TRIP12: variants seen among roughly 807,000 people sequenced by gnomAD.
TRIP12 encodes thyroid hormone receptor interactor 12, also known as E3 ubiquitin-protein ligase TRIP12.
In TRIP12, 25 loss-of-function variants were observed where a neutral mutation model predicts 244.2. That is an observed-to-expected ratio of 0.10 (90% CI 0.07 to 0.14). The LOEUF (loss-of-function observed/expected upper bound fraction) is 0.14, where lower values mean the gene tolerates loss of function less well. Ranked by LOEUF, TRIP12 falls within the 10% of genes least tolerant of loss-of-function variation. The pLI is 1.00. For missense variants in TRIP12, 1,677 were observed against 2,486.4 expected (o/e 0.67, Z 6.92); for synonymous variants, 905 against 873.1 (o/e 1.04, Z -0.64).
intron 1 of TRIP12, among the ~76,000 whole-genome samples, chr2:229,896,418 A>T (rs1424607473): frequency 2.0e-5 from 3 of 152,040 alleles, no homozygotes; most frequent in Non-Finnish European, 2.9e-5. Flanking sequence ...CAGGTGGATC[A>T]CCTGAGGTCA....
intron 1 of TRIP12, among the ~76,000 whole-genome samples, chr2:229,909,836 A>G (rs1285631122): frequency 2.0e-5 from 3 of 152,238 alleles, no homozygotes; most frequent in African/African-American, 4.8e-5. Context: ...CCTGGGAGAC[A>G]GAGTGAGACA....
intron 4 of TRIP12, among the ~76,000 whole-genome samples, chr2:229,842,072 T>A (rs1319556053): frequency 6.6e-6 from 1 of 152,228 alleles, no homozygotes; most frequent in Non-Finnish European, 1.5e-5. Context: ...TAAAAATCTA[T>A]GTTTAGACAG....
At position 229,810,724 on chromosome 2, in the gene TRIP12, T is replaced by C. The variant is rs550178628; in HGVS notation, c.2221+156A>G. 7.9e-5 allele frequency among the ~76,000 whole-genome samples: 12 copies of C among 152,326 alleles called. No individual in the cohort carries two copies. The East Asian group carries it at 2.1e-3, about 27-fold the overall frequency. ...GTATGTTAGAAACATTAACATACTG[T>C]CCCAACACAAATTTATTACATATTA... On this transcript the variant is annotated intron_variant, in intron 15 of 41. Coordinates refer to ENST00000675903, the MANE Select transcript of TRIP12 (RefSeq NM_001348323.3).
chr2:229,824,214 C>G (rs905137635), intron 8 of TRIP12, among the ~76,000 whole-genome samples: 1 of 152,064 alleles, frequency 6.6e-6, no homozygotes, highest in African/African-American at 2.4e-5. Flanking sequence ...TTGCATTATA[C>G]TCTCTAGGGT....
chr2:229,826,228 C>T (rs186463085), intron 8 of TRIP12, among the ~76,000 whole-genome samples: 1 of 152,066 alleles, frequency 6.6e-6, no homozygotes, highest in Non-Finnish European at 1.5e-5. Context: ...TTTGTAACCC[C>T]TATTACATAG....
At chr2:229,809,625 G>C (rs1029541968) in intron 15 of TRIP12, among the ~76,000 whole-genome samples, 1 of 152,176 alleles carries the variant, frequency 6.6e-6, no homozygotes, top group Admixed American at 6.5e-5. Context: ...AGAGACTTTA[G>C]TAAGTAAAAT....
intron 9 of TRIP12, 88 bp downstream of exon 9, chr2:229,818,276 A>G (rs2049011503): frequency 2.9e-6 from 4 of 1,366,914 alleles, no homozygotes; most frequent in Non-Finnish European, 4.0e-6. Flanking sequence ...TTAAAAATTA[A>G]TAATGACAAT....
chr2:229,922,552 A>G, upstream of TRIP12: 2 of 1,614,016 alleles, frequency 1.2e-6, no homozygotes, highest in Non-Finnish European at 1.7e-6. Flanking sequence ...TTGAAACTGT[A>G]GGACAAGGCC....
At chr2:229,789,545 CT>C in intron 31 of TRIP12, 65 bp downstream of exon 31, 1 of 1,552,752 alleles carries the variant, frequency 6.4e-7, no homozygotes, top group Non-Finnish European at 8.7e-7. Flanking sequence ...GTTTCCATTT[CT>C]AGTGCAATAG....
At chr2:229,908,156 C>CCTTGGCTAACT (rs1487221541) in intron 1 of TRIP12, among the ~76,000 whole-genome samples, 1 of 152,192 alleles carries the variant, frequency 6.6e-6, no homozygotes, top group Non-Finnish European at 1.5e-5. Context: ...GGGAAGGATT[C>CCTTGGCTAACT]AACACAGGTT....
Position 229,805,891 on chromosome 2 carries a change from C to A in TRIP12, c.2497-8G>T. ...ACCGACCTGATGGGCTGCCTGAGAG[C>A]AAAGAGAGAGAAACTTTGAATATAA... On this transcript the variant is annotated splice_region_variant and splice_polypyrimidine_tract_variant and intron_variant, in intron 17 of 41. Transcript: ENST00000675903. 6.6e-7 allele frequency: 1 copy of A among 1,525,426 alleles called. No individual in the cohort carries two copies. Among genetic ancestry groups the A allele is most frequent in the Non-Finnish European group, 8.9e-7 (1 of 1,120,332 alleles). 94.5% of individuals were successfully genotyped at this position (1,525,426 alleles called of 1,614,324 possible).
At chr2:229,901,523 T>C (rs538612804) in intron 1 of TRIP12, among the ~76,000 whole-genome samples, 5 of 150,046 alleles carry the variant, frequency 3.3e-5, no homozygotes, top group African/African-American at 9.8e-5. Flanking sequence ...CTTGGGAGGC[T>C]GAGGCAGGAG....
At chr2:229,803,498 C>T (rs2154270310) in intron 20 of TRIP12, 73 bp downstream of exon 20, 2 of 961,256 alleles carry the variant, frequency 2.1e-6, no homozygotes, top group East Asian at 2.5e-5. Context: ...TCAGTTTTTG[C>T]TCGACAGATT....
chr2:229,831,130 T>C (rs1230179577), intron 6 of TRIP12: 9 of 715,760 alleles, frequency 1.3e-5, no homozygotes, highest in Admixed American at 6.0e-5. Context: ...TTAATTAAGA[T>C]GTCCTGAATC....
At chr2:229,799,416 A>C (rs767665451) in intron 21 of TRIP12, 33 bp from the exon 22 acceptor site, 1 of 1,572,390 alleles carries the variant, frequency 6.4e-7, no homozygotes, top group South Asian at 1.1e-5. Flanking sequence ...TAAGTTTAGC[A>C]ATTACCACTG....
At chr2:229,874,128 G>GT in intron 2 of TRIP12, among the ~76,000 whole-genome samples, 1 of 151,630 alleles carries the variant, frequency 6.6e-6, no homozygotes, top group East Asian at 1.9e-4. Flanking sequence ...AAAAGAGTAA[G>GT]TATCTCCAAA....
In TRIP12 at chr2:229,901,797, G is replaced by A. The variant is rs573066223; in HGVS notation, c.-50+20083C>T. Among the ~76,000 whole-genome samples the A allele has an allele frequency of 2.6e-3, 395 of 152,176 alleles. 2 individuals are homozygous for A. Among genetic ancestry groups the A allele is most frequent in the African/African-American group, 9.1e-3 (378 of 41,514 alleles). ...TTCTGTGAGGAAAACTAAGCAGTGG[G>A]AAGAGAAGAAGATAAGAAGAAGTAG... On this transcript the variant is annotated intron_variant, in intron 1 of 41. Coordinates refer to ENST00000675903, the MANE Select transcript of TRIP12 (RefSeq NM_001348323.3).
chr2:229,838,089 A>T (rs1217306383), intron 5 of TRIP12, among the ~76,000 whole-genome samples: 1 of 152,206 alleles, frequency 6.6e-6, no homozygotes, highest in African/African-American at 2.4e-5. Context: ...ACTACAGTAA[A>T]GTGAGAGAAG....
At chr2:229,894,742 T>C (rs2068310141) in intron 1 of TRIP12, among the ~76,000 whole-genome samples, 1 of 152,206 alleles carries the variant, frequency 6.6e-6, no homozygotes, top group Non-Finnish European at 1.5e-5. Flanking sequence ...ATCCTACTGA[T>C]CACTTAACGC....
Sources: allele counts gnomAD v4.1 joint callset (sites outside exome capture counted in the v4.1 genomes callset), GRCh38; gene constraint gnomAD v4.1.1; transcripts MANE v1.5; gene names NCBI Gene and HGNC (gene_info 2026-07-23, HGNC 2026-07-21).